ROBO1: variants seen among roughly 807,000 people sequenced by gnomAD.
ROBO1 encodes roundabout guidance receptor 1, also known as roundabout homolog 1.
Under a neutral mutation model 195.9 loss-of-function variants are expected in ROBO1, and 149 were observed. That is an observed-to-expected ratio of 0.76 (90% CI 0.67 to 0.87). The LOEUF (loss-of-function observed/expected upper bound fraction) is 0.87, where lower values mean the gene tolerates loss of function less well. ROBO1 is among the 40% of genes least tolerant of loss of function. The pLI, the probability that ROBO1 is intolerant of heterozygous loss-of-function variation, is 0.00. For missense variants in ROBO1, 1,933 were observed against 2,068.3 expected (o/e 0.93, Z 1.27); for synonymous variants, 816 against 733.2 (o/e 1.11, Z -1.82).
At chr3:79,384,965 C>T (rs949835918) in intron 2 of ROBO1, among the ~76,000 whole-genome samples, 4 of 152,040 alleles carry the variant, frequency 2.6e-5, no homozygotes, top group Middle Eastern at 3.2e-3. Context: ...GAAAAAACTG[C>T]TGTCTGAAAT....
rs2082479628 is a variant in ROBO1, at chr3:79,239,837, T to C, written c.89-114298A>G. Among the ~76,000 whole-genome samples, 4 of 152,332 alleles carry C rather than the reference T, an allele frequency of 2.6e-5. No individual in the cohort carries two copies. In the South Asian group the frequency reaches 8.3e-4, roughly 32 times the overall value. On this transcript the variant is annotated intron_variant, in intron 2 of 30. Coordinates refer to ENST00000464233, the MANE Select transcript of ROBO1 (RefSeq NM_002941.4). The stretch of plus-strand genomic sequence containing the variant: ...GAGTATATATCTAATGTATATGTAA[T>C]TAAAACATGAGTGTATGTGCCCACA...
At chr3:78,845,012 A>T (rs938982071) in intron 4 of ROBO1, among the ~76,000 whole-genome samples, 5 of 152,092 alleles carry the variant, frequency 3.3e-5, no homozygotes, top group African/African-American at 9.7e-5. Context: ...AGTCTTGTAG[A>T]TTGAAGAAAA....
At chr3:78,826,015 A>T (rs548366172) in intron 4 of ROBO1, among the ~76,000 whole-genome samples, 15 of 152,312 alleles carry the variant, frequency 9.8e-5, no homozygotes, top group Admixed American at 9.2e-4. Context: ...TCTCTGAATC[A>T]GCATACTCAT....
At chr3:79,584,323 G>T (rs1943752753) in intron 2 of ROBO1, among the ~76,000 whole-genome samples, 1 of 148,934 alleles carries the variant, frequency 6.7e-6, no homozygotes, top group Non-Finnish European at 1.5e-5. Flanking sequence ...GATCCCTAAA[G>T]TACTGTTGAG....
intron 8 of ROBO1, among the ~76,000 whole-genome samples, chr3:78,691,978 G>C (rs2081185362): frequency 6.6e-6 from 1 of 151,512 alleles, no homozygotes; most frequent in Non-Finnish European, 1.5e-5. Context: ...CCATTTTATT[G>C]CTAGTCTTTC....
At chr3:79,282,634 G>C (rs1312628975) in intron 2 of ROBO1, among the ~76,000 whole-genome samples, 1 of 152,194 alleles carries the variant, frequency 6.6e-6, no homozygotes, top group African/African-American at 2.4e-5. Context: ...TGGAGAATTA[G>C]GTAGATGTTT....
chr3:78,610,123 C>G (rs1194276041), intron 28 of ROBO1, among the ~76,000 whole-genome samples: 2 of 152,030 alleles, frequency 1.3e-5, no homozygotes, highest in Admixed American at 6.6e-5. Context: ...ACAGTTTAGC[C>G]AAAATGGTAG....
chr3:79,377,060 T>C (rs959679458), intron 2 of ROBO1, among the ~76,000 whole-genome samples: 1 of 97,672 alleles, frequency 1.0e-5, no homozygotes, highest in African/African-American at 4.3e-5. Flanking sequence ...AATTAAAAAG[T>C]GAACCAGCCG....
chr3:79,427,462 G>T lies in ROBO1; in HGVS notation c.88+162362C>A, dbSNP rs1350660684. Among the ~76,000 whole-genome samples the T allele has an allele frequency of 2.6e-5, 4 of 152,192 alleles. No individual in the cohort carries two copies. In the East Asian group the frequency reaches 7.7e-4, roughly 29 times the overall value. On this transcript the variant is annotated intron_variant, in intron 2 of 30. Coordinates refer to ENST00000464233, the MANE Select transcript of ROBO1 (RefSeq NM_002941.4). ...TTTAGGGGACGCAATTCTAATGCCAGCTTATCTGGGCTTGAATATCAGCTC... is the reference window on the plus strand; with the variant it reads ...TTTAGGGGACGCAATTCTAATGCCATCTTATCTGGGCTTGAATATCAGCTC...
chr3:79,620,484 C>G (rs774280578), intron 1 of ROBO1, among the ~76,000 whole-genome samples: 2 of 151,998 alleles, frequency 1.3e-5, no homozygotes, highest in Non-Finnish European at 2.9e-5. Context: ...TTCTAAACCT[C>G]TTAAAACTCC....
intron 1 of ROBO1, among the ~76,000 whole-genome samples, chr3:79,640,715 T>C (rs983460977): frequency 1.1e-4 from 16 of 152,172 alleles, no homozygotes; most frequent in African/African-American, 3.6e-4. Context: ...CTACTTTCTT[T>C]GGTGGTTATT....
chr3:78,749,504 T>C (rs111317129), intron 4 of ROBO1, among the ~76,000 whole-genome samples: 5,578 of 152,308 alleles, frequency 0.037, 139 homozygotes, highest in Non-Finnish European at 0.058. Context: ...AAAACTTCAG[T>C]ATTGCCCATG....
At chr3:78,721,873 A>G (rs1395508303) in intron 5 of ROBO1, among the ~76,000 whole-genome samples, 2 of 152,136 alleles carry the variant, frequency 1.3e-5, no homozygotes, top group East Asian at 1.9e-4. Flanking sequence ...TTACAGCCCA[A>G]TGCTATTATA....
intron 2 of ROBO1, among the ~76,000 whole-genome samples, chr3:79,460,678 TACA>T (rs751601104): frequency 6.6e-6 from 1 of 152,216 alleles, no homozygotes; most frequent in Non-Finnish European, 1.5e-5. Context: ...ATACCAAATA[TACA>T]ACAATATAAT....
At chr3:79,205,667 G>A (rs975896985) in intron 2 of ROBO1, among the ~76,000 whole-genome samples, 3 of 152,044 alleles carry the variant, frequency 2.0e-5, no homozygotes, top group Non-Finnish European at 4.4e-5. Flanking sequence ...ATTATACTCT[G>A]GGGAAATCAG....
intron 2 of ROBO1, among the ~76,000 whole-genome samples, chr3:79,401,655 A>G (rs1382541600): frequency 2.0e-5 from 3 of 151,894 alleles, no homozygotes; most frequent in African/African-American, 4.8e-5. Flanking sequence ...TGTAAACGCA[A>G]TGCAGAACAA....
At chr3:79,713,610 T>C (rs958922839) in intron 1 of ROBO1, among the ~76,000 whole-genome samples, 1 of 152,162 alleles carries the variant, frequency 6.6e-6, no homozygotes, top group Non-Finnish European at 1.5e-5. Flanking sequence ...AGATCCCATT[T>C]GTCAATTTTG....
rs1707818242 is a variant in ROBO1, at chr3:78,667,773, C to A, written c.1966+110G>T. On this transcript the variant is annotated intron_variant, in intron 14 of 30. Transcript: ENST00000464233. ...AATTAAGCAACTTGGGCAACTTGAACAACACACTGTAAATGTACAATTCTA... is the reference window on the plus strand; with the variant it reads ...AATTAAGCAACTTGGGCAACTTGAAAAACACACTGTAAATGTACAATTCTA... The A allele has an allele frequency of 2.7e-6, 3 of 1,119,628 alleles. No individual in the cohort carries two copies. The South Asian group carries it at 5.3e-5, about 20-fold the overall frequency. The allele number at this position is 1,119,628 out of a possible 1,614,324, so 69.4% of individuals were successfully genotyped here.
chr3:79,690,612 A>G (rs553441502), intron 1 of ROBO1, among the ~76,000 whole-genome samples: 1 of 152,132 alleles, frequency 6.6e-6, no homozygotes, highest in East Asian at 1.9e-4. Flanking sequence ...TTGTTAAATT[A>G]GTTACAGTGG....
Sources: allele counts gnomAD v4.1 joint callset (sites outside exome capture counted in the v4.1 genomes callset), GRCh38; gene constraint gnomAD v4.1.1; transcripts MANE v1.5; gene names NCBI Gene and HGNC (gene_info 2026-07-23, HGNC 2026-07-21).